Variants in IFT122 observed in about 807,000 individuals in gnomAD.
IFT122 encodes the protein intraflagellar transport protein 122 homolog.
IFT122 carries 118 observed loss-of-function variants against 161.6 expected under a neutral mutation model. That is an observed-to-expected ratio of 0.73 (90% CI 0.63 to 0.85). IFT122 has a LOEUF of 0.85. Among genes scored for constraint, IFT122 ranks in the 40% least tolerant of loss-of-function variants. IFT122 has a pLI of 0.00. For missense variants in IFT122, 1,381 were observed against 1,579.6 expected (o/e 0.87, Z 2.13); for synonymous variants, 550 against 602.4 (o/e 0.91, Z 1.27).
chr3:129,518,190 C>T (rs1484199723), intron 27 of IFT122, among the ~76,000 whole-genome samples: 1 of 152,230 alleles, frequency 6.6e-6, no homozygotes, highest in Admixed American at 6.5e-5. Context: ...GCCCCACATC[C>T]CCTCAGCCTT....
rs796641446 is a variant in IFT122 at position 129,497,237 on chromosome 3, C to T, written c.2208+1630C>T. ...GAGCCAAGATCACGCCACTGCATTC[C>T]AGCCTGGGTGACAGAGCAAGACCCA... On this transcript the variant is annotated intron_variant, in intron 18 of 29. Coordinates refer to ENST00000348417, the MANE Select transcript of IFT122 (RefSeq NM_052989.3). Among the ~76,000 whole-genome samples, 3 of 152,252 alleles carry T rather than the reference C, an allele frequency of 2.0e-5. No individual in the cohort carries two copies. In the South Asian group the frequency reaches 6.2e-4, roughly 32 times the overall value.
rs1455486474 is a variant in IFT122, at chr3:129,500,021, G to A, written c.2328G>A (p.Glu776=). 3 of 1,614,240 alleles carry A rather than the reference G, an allele frequency of 1.9e-6. No individual in the cohort carries two copies. The highest frequency in any genetic ancestry group is 2.5e-6 in the Non-Finnish European group (3 of 1,180,044). Residue 776 remains glutamate (E), a synonymous_variant, in exon 19 of 30, where the codon GAG becomes GAA. Transcript: ENST00000348417. ...TGGAGATGTACATCTCAGCAGGAGAGCACGTCAAGGCCATCGAGATCTGTG... is the reference window on the plus strand; with the variant it reads ...TGGAGATGTACATCTCAGCAGGAGAACACGTCAAGGCCATCGAGATCTGTG... The part of the protein sequence containing the change: ...AAVEMYISAG[E]HVKAIEICGD...
intron 1 of IFT122, among the ~76,000 whole-genome samples, chr3:129,447,978 A>G (rs1285917888): frequency 6.6e-6 from 1 of 152,020 alleles, no homozygotes; most frequent in Admixed American, 6.6e-5. Flanking sequence ...GGGGGCTTAC[A>G]ATTTTATTTT....
intron 9 of IFT122, among the ~76,000 whole-genome samples, chr3:129,472,721 T>C (rs537391221): frequency 6.0e-5 from 9 of 149,332 alleles, no homozygotes; most frequent in Admixed American, 2.7e-4. Flanking sequence ...ACATTAGACC[T>C]TTTGTTACTG....
At chr3:129,492,387 G>A (rs1382424906) in intron 17 of IFT122, among the ~76,000 whole-genome samples, 193 bp downstream of exon 17, 1 of 152,228 alleles carries the variant, frequency 6.6e-6, no homozygotes, top group African/African-American at 2.4e-5. Context: ...AGTGTGAGCT[G>A]TTGTGTGATA....
chr3:129,499,839 C>G, intron 18 of IFT122, 63 bp from the exon 19 acceptor site: 1 of 1,600,340 alleles, frequency 6.2e-7, no homozygotes, highest in South Asian at 1.1e-5. Flanking sequence ...CTAGAAAAGC[C>G]TGATGTAACG....
chr3:129,469,849 C>A (rs1404948971), intron 9 of IFT122, among the ~76,000 whole-genome samples: 1 of 152,180 alleles, frequency 6.6e-6, no homozygotes, highest in African/African-American at 2.4e-5. Flanking sequence ...GAGCTGCTGA[C>A]ATAGAGCTGG....
chr3:129,518,997 C>T (rs918961886), intron 27 of IFT122, 110 bp from the exon 28 acceptor site: 3 of 926,912 alleles, frequency 3.2e-6, no homozygotes, highest in African/African-American at 1.6e-5. Context: ...ACCTGGAAAA[C>T]TCTTCCACTG....
At chr3:129,512,452 C>G (rs1410021455) in intron 24 of IFT122, 40 bp downstream of exon 24, 2 of 1,360,750 alleles carry the variant, frequency 1.5e-6, no homozygotes, top group Admixed American at 3.3e-5. Context: ...CACCACCGTT[C>G]TTGTCTAATG....
At chr3:129,512,209 G>A (rs1394853091) in intron 23 of IFT122, 103 bp from the exon 24 acceptor site, 8 of 829,292 alleles carry the variant, frequency 9.6e-6, no homozygotes, top group Admixed American at 6.8e-5. Flanking sequence ...AATCAGAGCC[G>A]CTCTTGTTGA....
At chr3:129,482,111 C>T (rs1405439442) in intron 14 of IFT122, among the ~76,000 whole-genome samples, 2 of 152,204 alleles carry the variant, frequency 1.3e-5, no homozygotes, top group African/African-American at 4.8e-5. Context: ...GCACCTACAG[C>T]GTGGGAAGGA....
intron 9 of IFT122, among the ~76,000 whole-genome samples, chr3:129,472,635 A>C (rs977462313): frequency 6.6e-6 from 1 of 152,214 alleles, no homozygotes; most frequent in African/African-American, 2.4e-5. Flanking sequence ...CAAATGTGAA[A>C]ACATTTTGGC....
chr3:129,500,565 T>C (rs2081400923), intron 19 of IFT122, among the ~76,000 whole-genome samples: 1 of 152,176 alleles, frequency 6.6e-6, no homozygotes, highest in African/African-American at 2.4e-5. Flanking sequence ...TCCAAATCCA[T>C]CAGGGAAGAA....
At chr3:129,449,397 A>C (rs958385217) in intron 1 of IFT122, among the ~76,000 whole-genome samples, 48 of 152,210 alleles carry the variant, frequency 3.2e-4, no homozygotes, top group African/African-American at 1.2e-3. Context: ...GACATATGGT[A>C]GTTCTTTGTG....
intron 1 of IFT122, among the ~76,000 whole-genome samples, chr3:129,441,547 G>C (rs1443369290): frequency 6.6e-6 from 1 of 152,200 alleles, no homozygotes; most frequent in African/African-American, 2.4e-5. Flanking sequence ...GTGAGGGGTG[G>C]AACCAGCTTT....
intron 1 of IFT122, among the ~76,000 whole-genome samples, chr3:129,448,548 T>C (rs2074331022): frequency 6.6e-6 from 1 of 152,194 alleles, no homozygotes. Context: ...ATGTTGCCCG[T>C]TTCTTTACTG....
At chr3:129,500,340 G>A (rs866146838) in intron 19 of IFT122, among the ~76,000 whole-genome samples, 1 of 152,194 alleles carries the variant, frequency 6.6e-6, no homozygotes, top group Non-Finnish European at 1.5e-5. Context: ...CAACCCAGAC[G>A]CTGTGATAAC....
chr3:129,503,272 A>G (rs1205218407), intron 20 of IFT122, among the ~76,000 whole-genome samples: 1 of 152,196 alleles, frequency 6.6e-6, no homozygotes, highest in Non-Finnish European at 1.5e-5. Context: ...CCTGCTGGGT[A>G]GCATTTTGGC....
intron 6 of IFT122, among the ~76,000 whole-genome samples, chr3:129,464,415 AC>A (rs2076498256): frequency 6.6e-6 from 1 of 152,176 alleles, no homozygotes. Context: ...AGAAAAAGGC[AC>A]CAAATGGTGC....
Sources: allele counts gnomAD v4.1 joint callset (sites outside exome capture counted in the v4.1 genomes callset), GRCh38; gene constraint gnomAD v4.1.1; transcripts MANE v1.5; gene names NCBI Gene and HGNC (gene_info 2026-07-23, HGNC 2026-07-21).